Variants in TRPS1 observed in about 807,000 individuals in gnomAD.
The protein encoded by TRPS1 is transcriptional repressor GATA binding 1.
In TRPS1, 6 loss-of-function variants were observed where a neutral mutation model predicts 101.2. The ratio of observed to expected loss-of-function variants is 0.06; its 90% CI spans 0.03 to 0.12. The LOEUF (loss-of-function observed/expected upper bound fraction) is 0.12, where lower values mean the gene tolerates loss of function less well. TRPS1 is among the 10% of genes least tolerant of loss of function. TRPS1 has a pLI of 1.00. For missense variants in TRPS1, 1,363 were observed against 1,567.0 expected (o/e 0.87, Z 2.20); for synonymous variants, 578 against 589.8 (o/e 0.98, Z 0.29).
At chr8:115,515,747 T>C (rs1322109765) in intron 5 of TRPS1, among the ~76,000 whole-genome samples, 2 of 151,486 alleles carry the variant, frequency 1.3e-5, no homozygotes, top group East Asian at 3.9e-4. Flanking sequence ...ATGTAAAATA[T>C]GATAAATAAG....
chr8:115,530,186 C>G (rs1320215887), intron 5 of TRPS1, among the ~76,000 whole-genome samples: 2 of 152,072 alleles, frequency 1.3e-5, no homozygotes, highest in Non-Finnish European at 2.9e-5. Flanking sequence ...TGATAATATT[C>G]CATAATATTC....
chr8:115,585,709 CTG>C, intron 5 of TRPS1, among the ~76,000 whole-genome samples: 1 of 152,296 alleles, frequency 6.6e-6, no homozygotes, highest in South Asian at 2.1e-4. Flanking sequence ...GGCACAGAAA[CTG>C]TTTCTCTTTT....
Position 115,409,276 on chromosome 8 carries a change from A to C in TRPS1, c.*4747T>G, listed in dbSNP as rs886062603. 8 of 149,966 alleles carry C rather than the reference A, an allele frequency of 5.3e-5. No homozygotes were observed. The highest frequency in any genetic ancestry group is 2.0e-4 in the Admixed American group (3 of 14,948). 9.3% of individuals were successfully genotyped at this position (149,966 alleles called of 1,614,324 possible). On this transcript the variant is annotated 3_prime_UTR_variant, in exon 7 of 7. Transcript: ENST00000395715. ...TATATGTTGGGAAAAAAAAAAAAAA[A>C]AAAAACAGGGGAAAACCAGAATTGA... is the stretch of plus-strand genomic sequence containing the variant.
At chr8:115,478,417 A>G (rs1814659325) in intron 5 of TRPS1, among the ~76,000 whole-genome samples, 1 of 152,308 alleles carries the variant, frequency 6.6e-6, no homozygotes, top group South Asian at 2.1e-4. Context: ...CTAGCCTTTT[A>G]ACATTGTTTG....
chr8:115,638,431 T>A (rs1002194523), intron 1 of TRPS1, among the ~76,000 whole-genome samples: 6 of 152,126 alleles, frequency 3.9e-5, no homozygotes, highest in African/African-American at 7.2e-5. Context: ...GATTTGTGAA[T>A]TTGTGTTAAG....
In TRPS1 at chr8:115,668,690, C is replaced by G. The variant is rs1309159607; in HGVS notation, c.-267G>C. 1.3e-5 allele frequency: 2 copies of G among 148,484 alleles called. No homozygotes were observed. Among genetic ancestry groups the G allele is most frequent in the South Asian group, 2.2e-4 (1 of 4,560 alleles). The allele number at this position is 148,484 out of a possible 1,614,324, so 9.2% of individuals were successfully genotyped here. ...AAAAAGGTCTTTCCTGCCTCCCCCC[C>G]CTTTCCCTCCCCCACCCTTATTAAA... On this transcript the variant is annotated 5_prime_UTR_variant, in exon 1 of 7. Transcript: ENST00000395715.
chr8:115,456,896 A>G (rs2129952943), intron 5 of TRPS1, among the ~76,000 whole-genome samples: 1 of 152,202 alleles, frequency 6.6e-6, no homozygotes, highest in South Asian at 2.1e-4. Context: ...AGAAATATAT[A>G]TTTTCAAGAA....
At chr8:115,499,169 A>C (rs2130135867) in intron 5 of TRPS1, among the ~76,000 whole-genome samples, 1 of 152,328 alleles carries the variant, frequency 6.6e-6, no homozygotes, top group African/African-American at 2.4e-5. Flanking sequence ...ATGTAGGTTC[A>C]GAGGGCATAG....
chr8:115,428,594 A>G (rs533915906), intron 5 of TRPS1, among the ~76,000 whole-genome samples: 1 of 152,358 alleles, frequency 6.6e-6, no homozygotes, highest in African/African-American at 2.4e-5. Context: ...AAAAGAGTTA[A>G]TGACAAACTA....
At chr8:115,524,178 G>T (rs1185331352) in intron 5 of TRPS1, among the ~76,000 whole-genome samples, 1 of 151,912 alleles carries the variant, frequency 6.6e-6, no homozygotes, top group East Asian at 1.9e-4. Flanking sequence ...GTACATTAAG[G>T]GACAGATTTG....
At chr8:115,480,213 G>C (rs1814717208) in intron 5 of TRPS1, among the ~76,000 whole-genome samples, 1 of 152,022 alleles carries the variant, frequency 6.6e-6, no homozygotes, top group Non-Finnish European at 1.5e-5. Flanking sequence ...TTACCTCTCT[G>C]AGCTTCTCTG....
chr8:115,584,786 C>T (rs999711112), intron 5 of TRPS1, among the ~76,000 whole-genome samples: 1 of 151,994 alleles, frequency 6.6e-6, no homozygotes, highest in African/African-American at 2.4e-5. Context: ...TCTTAAAAAG[C>T]TCATCATCTA....
At position 115,587,339 on chromosome 8, in the gene TRPS1, C is replaced by A; in HGVS notation, c.2362G>T (p.Gly788Trp). The change falls in exon 5 of 7, where the codon GGG (glycine) becomes TGG (tryptophan). Residue 788 changes from glycine (G) to tryptophan (W), a missense_variant. By Grantham distance (184) the Gly-to-Trp change is radical. Coordinates refer to ENST00000395715, the MANE Select transcript of TRPS1 (RefSeq NM_014112.5). Reference protein sequence around the residue: ...VKREKLEEKDGLKEKVWTESS... With the variant: ...VKREKLEEKDWLKEKVWTESS... ...TCGGTCCAAACTTTCTCTTTGAGCC[C>A]GTCCTTCTCTTCCAGCTTCTCTCTC... The A allele has an allele frequency of 2.5e-6, 4 of 1,614,190 alleles. No individual in the cohort carries two copies. The highest frequency in any genetic ancestry group is 3.4e-6 in the Non-Finnish European group (4 of 1,180,026).
At chr8:115,492,089 A>C (rs987045079) in intron 5 of TRPS1, 41 of 422,664 alleles carry the variant, frequency 9.7e-5, no homozygotes, top group African/African-American at 7.9e-4. Flanking sequence ...TTTTGAAAAG[A>C]AAAAAAATCT....
chr8:115,514,349 G>A (rs1420338549), intron 5 of TRPS1, among the ~76,000 whole-genome samples: 1 of 151,614 alleles, frequency 6.6e-6, no homozygotes, highest in Non-Finnish European at 1.5e-5. Context: ...GTTGAATCCT[G>A]GCTCTGCCAC....
rs1177618293 is a variant in TRPS1, at chr8:115,413,119, A to C, written c.*904T>G. 1.3e-5 allele frequency: 2 copies of C among 152,182 alleles called. No homozygotes were observed. The highest frequency in any genetic ancestry group is 4.8e-5 in the African/African-American group (2 of 41,436). The allele number at this position is 152,182 out of a possible 1,614,324, so 9.4% of individuals were successfully genotyped here. A position where few individuals can be genotyped will look rare whatever the true frequency, so the allele number is the denominator to read the frequency against. ...TGTATCCATCTATGCTTTTGAATTG[A>C]GGGGATTCCTTTAGTTATAATGTGC... On this transcript the variant is annotated 3_prime_UTR_variant, in exon 7 of 7. Transcript: ENST00000395715.
intron 5 of TRPS1, among the ~76,000 whole-genome samples, chr8:115,444,881 G>T (rs962303090): frequency 3.3e-5 from 5 of 152,076 alleles, no homozygotes; most frequent in African/African-American, 1.2e-4. Context: ...TTCTATGAGG[G>T]GATAGCTCCT....
At position 115,410,654 on chromosome 8, in the gene TRPS1, C is replaced by T. The variant is rs1040354891; in HGVS notation, c.*3369G>A. On this transcript the variant is annotated 3_prime_UTR_variant, in exon 7 of 7. Coordinates refer to ENST00000395715, the MANE Select transcript of TRPS1 (RefSeq NM_014112.5). ...GGTTGGCTCTTTATGATTTTTCTAT[C>T]CCAAACAACAGAATGAATACAGAGG... 6.6e-6 allele frequency: 1 copy of T among 152,400 alleles called. No individual in the cohort carries two copies. Among genetic ancestry groups the T allele is most frequent in the Non-Finnish European group, 1.5e-5 (1 of 67,976 alleles). 9.4% of individuals were successfully genotyped at this position (152,400 alleles called of 1,614,324 possible).
At chr8:115,534,308 A>G (rs1816227079) in intron 5 of TRPS1, among the ~76,000 whole-genome samples, 1 of 150,576 alleles carries the variant, frequency 6.6e-6, no homozygotes, top group Non-Finnish European at 1.5e-5. Flanking sequence ...TGGAGATTGA[A>G]GCTCTAACCG....
Sources: allele counts gnomAD v4.1 joint callset (sites outside exome capture counted in the v4.1 genomes callset), GRCh38; gene constraint gnomAD v4.1.1; transcripts MANE v1.5; gene names NCBI Gene and HGNC (gene_info 2026-07-23, HGNC 2026-07-21).